Variants in NINL observed in about 807,000 individuals in gnomAD.
NINL encodes the protein ninein like.
NINL carries 153 observed loss-of-function variants against 160.3 expected under a neutral mutation model. That is an observed-to-expected ratio of 0.95 (90% CI 0.84 to 1.09). The LOEUF (loss-of-function observed/expected upper bound fraction) is 1.09, where lower values mean the gene tolerates loss of function less well. Ranked by LOEUF, NINL falls within the 50% of genes least tolerant of loss-of-function variation. The pLI is 0.00. For synonymous variants in NINL, 800 were observed against 734.8 expected, an observed-to-expected ratio of 1.09 and a Z score of -1.43; for missense variants, 1,829 against 1,764.0, an observed-to-expected ratio of 1.04 and a Z score of -0.66.
intron 2 of NINL, among the ~76,000 whole-genome samples, chr20:25,525,863 C>T (rs902142345): frequency 6.6e-6 from 1 of 152,144 alleles, no homozygotes; most frequent in Non-Finnish European, 1.5e-5. Context: ...TCTTGACCTT[C>T]TGATAGAAAA....
chr20:25,475,984 G>T, intron 17 of NINL, 59 bp downstream of exon 17: 1 of 1,536,698 alleles, frequency 6.5e-7, no homozygotes, highest in Non-Finnish European at 8.9e-7. Flanking sequence ...GGGGTCAGTG[G>T]GTTAGTTCTG....
At chr20:25,575,121 T>C (rs1872565224) in intron 1 of NINL, among the ~76,000 whole-genome samples, 1 of 152,176 alleles carries the variant, frequency 6.6e-6, no homozygotes, top group South Asian at 2.1e-4. Context: ...CTTTTTAACT[T>C]GTTATTCTGA....
chr20:25,465,160 G>A (rs1055164614), intron 19 of NINL, among the ~76,000 whole-genome samples: 1 of 152,134 alleles, frequency 6.6e-6, no homozygotes, highest in Non-Finnish European at 1.5e-5. Context: ...AGTGACATAC[G>A]ACCAGAGTAG....
At chr20:25,548,475 C>A (rs575066132) in intron 1 of NINL, among the ~76,000 whole-genome samples, 37 of 152,240 alleles carry the variant, frequency 2.4e-4, no homozygotes, top group African/African-American at 8.7e-4. Context: ...CACCCACAGC[C>A]ACAGCTCCCA....
chr20:25,557,103 T>C (rs556562222), intron 1 of NINL, among the ~76,000 whole-genome samples: 1 of 152,356 alleles, frequency 6.6e-6, no homozygotes, highest in Non-Finnish European at 1.5e-5. Flanking sequence ...CTGCACACTT[T>C]AAACAGGTGA....
At chr20:25,539,935 C>A (rs1001440766) in intron 1 of NINL, 2 of 799,352 alleles carry the variant, frequency 2.5e-6, no homozygotes, top group South Asian at 1.4e-5. Context: ...CACACCCCTG[C>A]GGGTTCCCGG....
intron 20 of NINL, 81 bp downstream of exon 20, chr20:25,462,302 G>A (rs370760241): frequency 2.0e-5 from 27 of 1,354,932 alleles, no homozygotes; most frequent in East Asian, 4.7e-5. Flanking sequence ...TCCTCAGCGC[G>A]TGTCCTGACC....
intron 2 of NINL, among the ~76,000 whole-genome samples, chr20:25,520,056 T>TTACA (rs11474626): frequency 1.4e-5 from 2 of 141,438 alleles, no homozygotes; most frequent in Non-Finnish European, 1.5e-5. Context: ...AATGCAGAAT[T>TTACA]TAAAATTCAG....
chr20:25,556,059 T>G (rs183866594), intron 1 of NINL, among the ~76,000 whole-genome samples: 38 of 151,370 alleles, frequency 2.5e-4, no homozygotes, highest in African/African-American at 8.5e-4. Flanking sequence ...GGCAGGAGGA[T>G]TGCTTGAGCC....
chr20:25,504,075 A>G lies in NINL; in HGVS notation c.738T>C (p.Asp246=), dbSNP rs750968737. Residue 246 remains aspartate (D), a synonymous_variant, in exon 7 of 24, where the codon GAT becomes GAC. Coordinates refer to ENST00000278886, the MANE Select transcript of NINL (RefSeq NM_025176.6). ...EELEDLFNKL[D]QDGDGKVSLE... The stretch of plus-strand genomic sequence containing the variant: ...GACTCACTTTGCCGTCTCCGTCTTG[A>G]TCCAGTTTGTTAAACAGGTCTTCGA... 6.3e-7 allele frequency: 1 copy of G among 1,595,788 alleles called. No homozygotes were observed. Among genetic ancestry groups the G allele is most frequent in the South Asian group, 1.1e-5 (1 of 88,150 alleles).
intron 1 of NINL, among the ~76,000 whole-genome samples, chr20:25,569,052 T>C (rs895463758): frequency 4.0e-5 from 6 of 151,470 alleles, no homozygotes; most frequent in African/African-American, 1.5e-4. Flanking sequence ...GCCAACATGG[T>C]AAAACCCCGT....
At chr20:25,575,403 C>T (rs1456388190) in intron 1 of NINL, among the ~76,000 whole-genome samples, 6 of 141,284 alleles carry the variant, frequency 4.2e-5, no homozygotes, top group East Asian at 4.2e-4. Flanking sequence ...GCCGAGATTG[C>T]GCCACTACAC....
intron 1 of NINL, among the ~76,000 whole-genome samples, chr20:25,544,602 C>A (rs368763817): frequency 6.6e-6 from 1 of 152,178 alleles, no homozygotes; most frequent in Non-Finnish European, 1.5e-5. Context: ...TTCAGATGCA[C>A]GGGTCCTTGT....
chr20:25,491,039 G>C (rs772642732), intron 11 of NINL, among the ~76,000 whole-genome samples: 2 of 152,266 alleles, frequency 1.3e-5, no homozygotes, highest in Non-Finnish European at 2.9e-5. Context: ...GGGTGTTCCT[G>C]GTTTCTGGGG....
intron 14 of NINL, 166 bp downstream of exon 14, chr20:25,481,802 G>GTT (rs757168857): frequency 2.3e-4 from 237 of 1,011,222 alleles, no homozygotes; most frequent in Non-Finnish European, 3.3e-4. Context: ...AGGTCACCCT[G>GTT]TGGCATCCCT....
intron 1 of NINL, among the ~76,000 whole-genome samples, chr20:25,585,058 G>A (rs999745966): frequency 2.0e-5 from 3 of 152,184 alleles, no homozygotes; most frequent in African/African-American, 2.4e-5. Flanking sequence ...GAAACGGCCC[G>A]CGCTGGGCAG....
At chr20:25,498,466 C>T (rs2063803751) in intron 8 of NINL, 120 bp from the exon 9 acceptor site, 1 of 1,314,574 alleles carries the variant, frequency 7.6e-7, no homozygotes, top group Non-Finnish European at 1.0e-6. Context: ...AGCACCTGCC[C>T]CTCCTGTCTG....
At chr20:25,477,226 C>T (rs2063280657) in intron 16 of NINL, 137 bp from the exon 17 acceptor site, 1 of 816,862 alleles carries the variant, frequency 1.2e-6, no homozygotes, top group Admixed American at 2.9e-5. Context: ...TCGCCTCCCT[C>T]AGCCCTGGCT....
rs918417293 is a variant in NINL, at chr20:25,476,346, C to T, written c.2945G>A (p.Arg982Gln). 7.4e-6 allele frequency: 12 copies of T among 1,612,438 alleles called. No homozygotes were observed. Among genetic ancestry groups the T allele is most frequent in the South Asian group, 1.1e-5 (1 of 91,082 alleles). The change falls in exon 17 of 24, where the codon CGA becomes CAA. Residue 982 changes from arginine (R) to glutamine (Q), a missense_variant. Physicochemically the swap from Arg to Gln is conservative, Grantham distance 43. Coordinates refer to ENST00000278886, the MANE Select transcript of NINL (RefSeq NM_025176.6). Reference sequence around the variant, plus strand: ...GGTGCCCCTGCTCCAGCTTCGTGCTCGCTCTTCCTGAATGGCCTGTAGCCT... The same window carrying T: ...GGTGCCCCTGCTCCAGCTTCGTGCTTGCTCTTCCTGAATGGCCTGTAGCCT... The part of the protein sequence containing the change: ...AERLQAIQEE[R>Q]ARSWSRGTQE...
Sources: allele counts gnomAD v4.1 joint callset (sites outside exome capture counted in the v4.1 genomes callset), GRCh38; gene constraint gnomAD v4.1.1; transcripts MANE v1.5; gene names NCBI Gene and HGNC (gene_info 2026-07-23, HGNC 2026-07-21).